Variants in AGL observed in about 807,000 individuals in gnomAD.
AGL encodes glycogen debranching enzyme.
A neutral mutation model predicts 199.3 loss-of-function variants in AGL; 128 were observed. That is an observed-to-expected ratio of 0.64 (90% CI 0.56 to 0.74). The LOEUF (loss-of-function observed/expected upper bound fraction) is 0.74. Ranked by LOEUF, AGL falls within the 30% of genes least tolerant of loss-of-function variation. AGL has a pLI of 0.00. For missense variants in AGL, 1,809 were observed against 1,820.8 expected (o/e 0.99, Z 0.12); for synonymous variants, 584 against 594.7 (o/e 0.98, Z 0.26).
intron 27 of AGL, among the ~76,000 whole-genome samples, chr1:99,910,033 A>T (rs927128856): frequency 1.3e-5 from 2 of 152,218 alleles, no homozygotes; most frequent in Admixed American, 6.5e-5. Context: ...CAAAAAAGTT[A>T]TCTTACTATA....
intron 17 of AGL, among the ~76,000 whole-genome samples, chr1:99,883,479 T>C (rs1365668610): frequency 6.6e-6 from 1 of 152,166 alleles, no homozygotes; most frequent in Non-Finnish European, 1.5e-5. Context: ...TACAGTAGAA[T>C]ATTATTTGGC....
chr1:99,916,475 G>T lies in AGL; in HGVS notation c.4325G>T (p.Gly1442Val), dbSNP rs1281131845. 1 of 1,612,058 alleles carries T rather than the reference G, an allele frequency of 6.2e-7. No homozygotes were observed. The highest frequency in any genetic ancestry group is 1.3e-5 in the African/African-American group (1 of 74,832). Residue 1442 changes from glycine to valine, a missense_variant, in exon 32 of 34, where the codon GGT (glycine) becomes GTT (valine). Coordinates refer to ENST00000361915, the MANE Select transcript of AGL (RefSeq NM_000642.3). ...LDNDNYNLAKGFNYHQGPEWL... is the reference protein window; with the variant it reads ...LDNDNYNLAKVFNYHQGPEWL... The stretch of plus-strand genomic sequence containing the variant: ...AATGACAACTACAATCTTGCTAAAG[G>T]TTTCAATTATCACCAAGGACCTGTA...
intron 20 of AGL, among the ~76,000 whole-genome samples, chr1:99,885,463 C>G (rs1652386517): frequency 6.6e-6 from 1 of 152,108 alleles, no homozygotes; most frequent in African/African-American, 2.4e-5. Flanking sequence ...GACGAGGGGT[C>G]CCCAACCTCT....
In AGL at chr1:99,921,612, G is replaced by T; in HGVS notation, c.4560G>T (p.Trp1520Cys). The T allele has an allele frequency of 6.2e-7, 1 of 1,612,704 alleles. No individual in the cohort carries two copies. Among genetic ancestry groups the T allele is most frequent in the Non-Finnish European group, 8.5e-7 (1 of 1,179,142 alleles). Reference protein sequence around the residue: ...YCPFSCETQAWSIATILETLY... With the variant: ...YCPFSCETQACSIATILETLY... ...CTTTCAGCTGTGAAACACAAGCCTG[G>T]TCAATTGCTACTATTCTTGAGACAC... Residue 1520 changes from tryptophan (W) to cysteine (C), a missense_variant, in exon 34 of 34, where the codon TGG (tryptophan) becomes TGT (cysteine). Physicochemically the swap from Trp to Cys is radical, Grantham distance 215 (BLOSUM62 -2). Transcript: ENST00000361915.
Position 99,881,170 on chromosome 1 carries a change from C to G in AGL, c.1994C>G (p.Pro665Arg). The G allele has an allele frequency of 6.2e-7, 1 of 1,613,346 alleles. No individual in the cohort carries two copies. The highest frequency in any genetic ancestry group is 8.5e-7 in the Non-Finnish European group (1 of 1,179,408). ...GSTRGYDELV[P>R]HQISVVSEER... ...ACAAGAGGCTATGATGAATTAGTGCCTCATCAGGTTTGTTTATATGTTGTT... is the reference window on the plus strand; with the variant it reads ...ACAAGAGGCTATGATGAATTAGTGCGTCATCAGGTTTGTTTATATGTTGTT... Residue 665 changes from proline (P) to arginine (R), a missense_variant, in exon 15 of 34, where the codon CCT becomes CGT. Physicochemically the swap from Pro to Arg is moderately radical, Grantham distance 103. Coordinates refer to ENST00000361915, the MANE Select transcript of AGL (RefSeq NM_000642.3).
intron 2 of AGL, chr1:99,852,523 C>G: frequency 1.6e-6 from 1 of 627,754 alleles, no homozygotes; most frequent in Non-Finnish European, 2.8e-6. Flanking sequence ...GCATACATCA[C>G]TATGCCCCGC....
At position 99,875,924 on chromosome 1, in the gene AGL, G is replaced by T. The variant is rs571608; in HGVS notation, c.1283+469G>T. Among the ~76,000 whole-genome samples the T allele has an allele frequency of 3.3e-3, 501 of 152,114 alleles. 4 individuals are homozygous for T. The highest frequency in any genetic ancestry group is 0.011 in the African/African-American group (477 of 41,498). On this transcript the variant is annotated intron_variant, in intron 10 of 33. Coordinates refer to ENST00000361915, the MANE Select transcript of AGL (RefSeq NM_000642.3). Reference sequence around the variant, plus strand: ...GAGTCTTGTTCTGTCACCCAGGCTGGAGTGCAGTGGCACGATCTCAGCTCA... The same window carrying T: ...GAGTCTTGTTCTGTCACCCAGGCTGTAGTGCAGTGGCACGATCTCAGCTCA...
intron 17 of AGL, among the ~76,000 whole-genome samples, chr1:99,883,685 A>G (rs1055310511): frequency 7.2e-5 from 11 of 152,292 alleles, no homozygotes; most frequent in East Asian, 1.9e-4. Flanking sequence ...GTGAGCACCA[A>G]ACTGAATTGA....
chr1:99,916,818 T>A, intron 33 of AGL, 87 bp downstream of exon 33: 1 of 1,410,628 alleles, frequency 7.1e-7, no homozygotes. Context: ...TTAGAATTGA[T>A]TTCTGTATGC....
intron 2 of AGL, among the ~76,000 whole-genome samples, chr1:99,857,404 C>T (rs1472313111): frequency 1.4e-4 from 21 of 151,822 alleles, no homozygotes; most frequent in East Asian, 3.9e-4. Flanking sequence ...ACTTCCCAGA[C>T]GGGGTGGCGG....
chr1:99,852,802 T>C (rs537531730), intron 2 of AGL: 1 of 761,570 alleles, frequency 1.3e-6, no homozygotes, highest in African/African-American at 1.7e-5. Context: ...CCTAAATAAA[T>C]ATAAGGCATT....
intron 23 of AGL, 148 bp from the exon 24 acceptor site, chr1:99,892,284 A>G: frequency 1.3e-6 from 1 of 759,894 alleles, no homozygotes; most frequent in South Asian, 1.9e-5. Flanking sequence ...CAGTTTTGAA[A>G]TCTAACCAAA....
intron 4 of AGL, among the ~76,000 whole-genome samples, chr1:99,863,907 G>A (rs6674973): frequency 0.013 from 1,919 of 152,196 alleles, 33 homozygotes; most frequent in African/African-American, 0.044. Context: ...CTCCCAAAGT[G>A]CTGGGATTAC....
Position 99,902,775 on chromosome 1 carries a change from T to C in AGL, c.3681T>C (p.Asp1227=). 6.2e-7 allele frequency: 1 copy of C among 1,612,948 alleles called. No individual in the cohort carries two copies. Among genetic ancestry groups the C allele is most frequent in the Non-Finnish European group, 8.5e-7 (1 of 1,179,162 alleles). ...AAAGGAATGCTGGTCCCCAGATAGA[T>C]CGAAACATGAAGGACGAAGGTACAG... The part of the protein sequence containing the change: ...FRERNAGPQI[D]RNMKDEGFNI... The change falls in exon 27 of 34, where the codon GAT becomes GAC. Residue 1227 remains aspartate (D), a synonymous_variant. Coordinates refer to ENST00000361915, the MANE Select transcript of AGL (RefSeq NM_000642.3).
chr1:99,907,693 G>GT (rs71075465), intron 27 of AGL, among the ~76,000 whole-genome samples: 6 of 118,972 alleles, frequency 5.0e-5, no homozygotes, highest in African/African-American at 1.5e-4. Flanking sequence ...TTTGTTTTTT[G>GT]TTTTTTTTGC....
chr1:99,893,786 C>T (rs557235515), intron 24 of AGL, among the ~76,000 whole-genome samples: 85 of 152,262 alleles, frequency 5.6e-4, no homozygotes, highest in South Asian at 1.7e-3. Flanking sequence ...AATGTTTTGC[C>T]TATTCCATAC....
intron 31 of AGL, 125 bp downstream of exon 31, chr1:99,915,611 T>TAA: frequency 1.4e-6 from 1 of 739,278 alleles, no homozygotes; most frequent in Non-Finnish European, 2.3e-6. Context: ...AAATAAAAGT[T>TAA]AAAAAAAAAA....
chr1:99,903,669 T>G (rs1444006449), intron 27 of AGL, among the ~76,000 whole-genome samples: 1 of 152,174 alleles, frequency 6.6e-6, no homozygotes, highest in African/African-American at 2.4e-5. Context: ...GATTGCTGGG[T>G]CAAATGGTAT....
chr1:99,879,664 T>A (rs934922326), intron 12 of AGL, among the ~76,000 whole-genome samples: 1 of 152,138 alleles, frequency 6.6e-6, no homozygotes, highest in Admixed American at 6.6e-5. Flanking sequence ...TGATTTACAT[T>A]TAGTAATATG....
Sources: gnomAD v4.1 joint callset for allele counts (sites outside exome capture counted in the v4.1 genomes callset) on GRCh38, gnomAD v4.1.1 for gene constraint, MANE v1.5 for transcripts, NCBI Gene and HGNC (gene_info 2026-07-23, HGNC 2026-07-21) for gene names.